Variants in PARP8 observed in about 807,000 individuals in gnomAD.
PARP8 encodes protein mono-ADP-ribosyltransferase PARP8.
PARP8 carries 51 observed loss-of-function variants against 124.1 expected under a neutral mutation model. That is an observed-to-expected ratio of 0.41 (90% CI 0.33 to 0.52). The LOEUF is 0.52. Among genes scored for constraint, PARP8 ranks in the 20% least tolerant of loss-of-function variants. PARP8 has a pLI of 0.21. For missense variants in PARP8, 860 were observed against 1,018.9 expected, an observed-to-expected ratio of 0.84 and a Z score of 2.12; for synonymous variants, 391 against 361.5, an observed-to-expected ratio of 1.08 and a Z score of -0.93.
chr5:50,716,433 G>T (rs1025043479), intron 2 of PARP8, among the ~76,000 whole-genome samples: 7 of 151,864 alleles, frequency 4.6e-5, no homozygotes, highest in Admixed American at 4.6e-4. Context: ...AGGCAGAAAA[G>T]GACTGAATTA....
intron 23 of PARP8, 145 bp from the exon 24 acceptor site, chr5:50,833,834 G>A (rs2149721564): frequency 1.7e-6 from 1 of 576,416 alleles, no homozygotes. Context: ...TATTAAGAGA[G>A]TGCAAGGAAA....
At position 50,832,815 on chromosome 5, in the gene PARP8, C is replaced by A; in HGVS notation, c.2268C>A (p.Asp756Glu). The A allele has an allele frequency of 3.1e-6, 5 of 1,613,422 alleles. No individual in the cohort carries two copies. The highest frequency in any genetic ancestry group is 4.2e-6 in the Non-Finnish European group (5 of 1,179,578). ...AGAAACAGAAGGTGTCAGCCAAGGA[C>A]GAGCCAGCTTCAAGCAGTAAAAGCA... The part of the protein sequence containing the change: ...MNKKQKVSAK[D>E]EPASSSKSSN... The change falls in exon 23 of 26, where the codon GAC becomes GAA. Residue 756 changes from aspartate (D) to glutamate (E), a missense_variant. Asp to Glu is a conservative substitution (Grantham distance 45). This residue lies in a region of PARP8 where 343 missense variants were observed against 474.7 expected (regional missense o/e 0.72). Transcript: ENST00000281631.
At chr5:50,755,226 T>C (rs561672928) in intron 3 of PARP8, among the ~76,000 whole-genome samples, 76 of 152,316 alleles carry the variant, frequency 5.0e-4, no homozygotes, top group African/African-American at 1.8e-3. Flanking sequence ...TGCCATTGCT[T>C]TTGGTGTTTT....
intron 2 of PARP8, among the ~76,000 whole-genome samples, chr5:50,722,195 T>A (rs1248714564): frequency 1.3e-5 from 2 of 152,098 alleles, no homozygotes; most frequent in Non-Finnish European, 2.9e-5. Flanking sequence ...TATATAGTTG[T>A]TTTTCTTTGC....
At chr5:50,802,064 C>CT (rs1743289768) in intron 14 of PARP8, among the ~76,000 whole-genome samples, 1 of 152,144 alleles carries the variant, frequency 6.6e-6, no homozygotes, top group African/African-American at 2.4e-5. Context: ...CCTTGCTAAT[C>CT]TTTTTACTTA....
At chr5:50,711,743 C>G (rs145902002) in intron 2 of PARP8, among the ~76,000 whole-genome samples, 1 of 152,118 alleles carries the variant, frequency 6.6e-6, no homozygotes, top group Non-Finnish European at 1.5e-5. Context: ...ATGAGAAAAT[C>G]AAGGTCCTTA....
At chr5:50,740,073 A>G (rs530054437) in intron 2 of PARP8, among the ~76,000 whole-genome samples, 1 of 152,208 alleles carries the variant, frequency 6.6e-6, no homozygotes, top group East Asian at 1.9e-4. Flanking sequence ...TTTAGTAAGC[A>G]TTCATTCTAC....
chr5:50,816,900 A>T (rs1218943729), intron 15 of PARP8, among the ~76,000 whole-genome samples: 1 of 152,176 alleles, frequency 6.6e-6, no homozygotes, highest in Admixed American at 6.5e-5. Context: ...AAAAGGAAAA[A>T]AAAGGTACTT....
intron 2 of PARP8, among the ~76,000 whole-genome samples, chr5:50,724,716 C>T (rs1340705334): frequency 6.6e-6 from 1 of 151,636 alleles, no homozygotes; most frequent in Non-Finnish European, 1.5e-5. Context: ...GTTTTTGTTT[C>T]AGTAGCTTTG....
At chr5:50,799,552 C>G (rs116060611) in intron 14 of PARP8, among the ~76,000 whole-genome samples, 3,123 of 152,274 alleles carry the variant, frequency 0.021, 43 homozygotes, top group Non-Finnish European at 0.027. Flanking sequence ...GGGTCTCTTG[C>G]GTTTCTCTAT....
intron 13 of PARP8, 41 bp downstream of exon 13, chr5:50,797,073 T>A (rs1339373048): frequency 6.2e-7 from 1 of 1,609,930 alleles, no homozygotes; most frequent in Admixed American, 1.7e-5. Flanking sequence ...ATATTTTAGT[T>A]CTTACGGGGT....
At chr5:50,815,644 C>A (rs1745018474) in intron 15 of PARP8, 120 bp downstream of exon 15, 2 of 595,258 alleles carry the variant, frequency 3.4e-6, no homozygotes, top group South Asian at 3.8e-5. Flanking sequence ...AGTTAAGTGG[C>A]AAATTGGCAT....
chr5:50,692,147 C>T lies in PARP8; in HGVS notation c.146+24022C>T, dbSNP rs974039854. Among the ~76,000 whole-genome samples the T allele has an allele frequency of 8.9e-4, 135 of 152,236 alleles. 1 individual carries two copies. The highest frequency in any genetic ancestry group is 3.2e-3 in the African/African-American group (131 of 41,560). ...ATTGAATATAAATCTGATCATATTA[C>T]TTCATCTGCTTAAAGCCCTTCCTTG... On this transcript the variant is annotated intron_variant, in intron 2 of 25. Transcript: ENST00000281631.
chr5:50,677,338 T>C (rs1750750639), intron 2 of PARP8, among the ~76,000 whole-genome samples: 1 of 150,090 alleles, frequency 6.7e-6, no homozygotes, highest in African/African-American at 2.5e-5. Flanking sequence ...AAAAAGTTAG[T>C]CCCTCCAGCT....
intron 2 of PARP8, among the ~76,000 whole-genome samples, chr5:50,704,463 C>T (rs188712327): frequency 1.4e-4 from 21 of 152,272 alleles, no homozygotes; most frequent in Middle Eastern, 3.4e-3. Flanking sequence ...TATATGCTCA[C>T]CTCTAAACAC....
At chr5:50,837,016 C>T (rs1747654630) in intron 25 of PARP8, among the ~76,000 whole-genome samples, 1 of 152,090 alleles carries the variant, frequency 6.6e-6, no homozygotes, top group South Asian at 2.1e-4. Context: ...AGTATTATTT[C>T]TTTTGAACTT....
chr5:50,721,968 C>T (rs1260368407), intron 2 of PARP8, among the ~76,000 whole-genome samples: 5 of 151,984 alleles, frequency 3.3e-5, no homozygotes, highest in Non-Finnish European at 7.4e-5. Flanking sequence ...CTAAAAATGT[C>T]GTAGCTTTGT....
At chr5:50,685,382 G>A (rs1204636779) in intron 2 of PARP8, among the ~76,000 whole-genome samples, 1 of 152,150 alleles carries the variant, frequency 6.6e-6, no homozygotes, top group African/African-American at 2.4e-5. Context: ...TTGCTTTCCT[G>A]TGAGCTAGCA....
intron 5 of PARP8, among the ~76,000 whole-genome samples, chr5:50,761,360 T>C (rs1416120687): frequency 1.3e-5 from 2 of 152,166 alleles, no homozygotes; most frequent in Non-Finnish European, 2.9e-5. Flanking sequence ...ATATGTTTCA[T>C]ATTTATTTTC....
Sources: allele counts gnomAD v4.1 joint callset (sites outside exome capture counted in the v4.1 genomes callset), GRCh38; gene constraint gnomAD v4.1.1; regional missense constraint gnomAD v4.1.1; transcripts MANE v1.5; gene names NCBI Gene and HGNC (gene_info 2026-07-23, HGNC 2026-07-21).